Variants in NCAM2 observed in about 807,000 individuals in gnomAD.
NCAM2 encodes neural cell adhesion molecule 2, also known as N-CAM-2.
NCAM2 carries 30 observed loss-of-function variants against 98.1 expected under a neutral mutation model. The observed-to-expected ratio is 0.31, with a 90% confidence interval of 0.23 to 0.41. The LOEUF is 0.41. Among genes scored for constraint, NCAM2 ranks in the 10% least tolerant of loss-of-function variants. The pLI is 1.00. For synonymous variants in NCAM2, 368 were observed against 342.4 expected (o/e 1.07, Z -0.83); for missense variants, 867 against 1,005.8 (o/e 0.86, Z 1.87).
chr21:21,102,165 A>G lies in NCAM2; in HGVS notation c.55+103547A>G, dbSNP rs114974771. Among the ~76,000 whole-genome samples, 363 of 152,194 alleles carry G rather than the reference A, an allele frequency of 2.4e-3. 3 individuals carry two copies. Among genetic ancestry groups the G allele is most frequent in the African/African-American group, 8.4e-3 (350 of 41,558 alleles). On this transcript the variant is annotated intron_variant, in intron 1 of 17. Coordinates refer to ENST00000400546, the MANE Select transcript of NCAM2 (RefSeq NM_004540.5). ...AGAGTAAAATATGCACACTTGTGTT[A>G]AAACATGACTCTTCAGGATTGTAGG...
intron 8 of NCAM2, among the ~76,000 whole-genome samples, chr21:21,339,646 T>C (rs191827137): frequency 1.3e-5 from 2 of 152,068 alleles, no homozygotes; most frequent in Admixed American, 1.3e-4. Context: ...TACACCTCAA[T>C]ATAACTTTGA....
At chr21:21,270,956 T>A (rs1192629250) in intron 1 of NCAM2, among the ~76,000 whole-genome samples, 1 of 152,014 alleles carries the variant, frequency 6.6e-6, no homozygotes, top group African/African-American at 2.4e-5. Context: ...ATTTTTTTTT[T>A]ATTTGAACCT....
chr21:21,326,015 C>T (rs232473), intron 6 of NCAM2, among the ~76,000 whole-genome samples: 131,618 of 152,156 alleles, frequency 0.87, 57,298 homozygotes, highest in African/African-American at 0.96. Flanking sequence ...TCCAGTCATT[C>T]ATTAAGGAAT....
chr21:21,008,190 A>G (rs2146125231), intron 1 of NCAM2, among the ~76,000 whole-genome samples: 1 of 152,066 alleles, frequency 6.6e-6, no homozygotes, highest in African/African-American at 2.4e-5. Flanking sequence ...TTACTTAGAT[A>G]AATCACTTAT....
At chr21:21,266,115 T>C (rs1322061614) in intron 1 of NCAM2, among the ~76,000 whole-genome samples, 1 of 152,130 alleles carries the variant, frequency 6.6e-6, no homozygotes, top group East Asian at 1.9e-4. Flanking sequence ...TTCTACCTGA[T>C]ATTTTAAAAA....
At chr21:21,092,624 A>G (rs2066036183) in intron 1 of NCAM2, among the ~76,000 whole-genome samples, 1 of 151,112 alleles carries the variant, frequency 6.6e-6, no homozygotes, top group East Asian at 2.0e-4. Flanking sequence ...ATTGTTGACA[A>G]AATATTTCTA....
intron 1 of NCAM2, among the ~76,000 whole-genome samples, chr21:21,248,613 A>G (rs924391666): frequency 6.6e-6 from 1 of 151,700 alleles, no homozygotes; most frequent in African/African-American, 2.4e-5. Flanking sequence ...CGTCTTTACT[A>G]AAAATACAAA....
intron 1 of NCAM2, among the ~76,000 whole-genome samples, chr21:21,179,012 A>G (rs975180589): frequency 1.3e-5 from 2 of 152,124 alleles, no homozygotes; most frequent in African/African-American, 4.8e-5. Flanking sequence ...AATGTTGTTC[A>G]GGCCAGAGGG....
At position 21,257,134 on chromosome 21, in the gene NCAM2, G is replaced by T. The variant is rs149095519; in HGVS notation, c.56-23444G>T. On this transcript the variant is annotated intron_variant, in intron 1 of 17. Coordinates refer to ENST00000400546, the MANE Select transcript of NCAM2 (RefSeq NM_004540.5). The stretch of plus-strand genomic sequence containing the variant: ...ATCTTTGTACTATTTCAGTCTTTTT[G>T]ATAAACAAGTCATAAAGAAGAAACC... 2.3e-3 allele frequency among the ~76,000 whole-genome samples: 346 copies of T among 152,252 alleles called. 2 individuals carry two copies. Among genetic ancestry groups the T allele is most frequent in the African/African-American group, 7.9e-3 (330 of 41,542 alleles).
At chr21:21,072,069 C>T (rs908202069) in intron 1 of NCAM2, among the ~76,000 whole-genome samples, 7 of 152,086 alleles carry the variant, frequency 4.6e-5, no homozygotes, top group South Asian at 2.1e-4. Context: ...CCCGCCACCA[C>T]GCCTGGCTAA....
At chr21:21,208,941 C>G (rs1163687901) in intron 1 of NCAM2, among the ~76,000 whole-genome samples, 2 of 152,070 alleles carry the variant, frequency 1.3e-5, no homozygotes, top group African/African-American at 4.8e-5. Context: ...AGATTTGTAT[C>G]CTTAATAGGC....
intron 1 of NCAM2, among the ~76,000 whole-genome samples, chr21:21,212,386 G>A (rs892971439): frequency 6.6e-6 from 1 of 152,176 alleles, no homozygotes; most frequent in South Asian, 2.1e-4. Context: ...TCAATGGTTA[G>A]CAACATCAGA....
chr21:21,146,243 A>G (rs966129068), intron 1 of NCAM2, among the ~76,000 whole-genome samples: 21 of 152,062 alleles, frequency 1.4e-4, no homozygotes, highest in African/African-American at 5.1e-4. Context: ...AAAATACACT[A>G]TTTCCATTGG....
At chr21:21,109,741 A>G (rs1378284477) in intron 1 of NCAM2, among the ~76,000 whole-genome samples, 1 of 152,126 alleles carries the variant, frequency 6.6e-6, no homozygotes, top group African/African-American at 2.4e-5. Flanking sequence ...CTGTTTCTCA[A>G]CTGTTAACTG....
At chr21:21,085,200 G>GT (rs1569006510) in intron 1 of NCAM2, among the ~76,000 whole-genome samples, 72 of 125,218 alleles carry the variant, frequency 5.7e-4, no homozygotes, top group African/African-American at 2.4e-3. Flanking sequence ...GTCTAGTTGG[G>GT]GTTTTTTTTT....
At chr21:21,317,445 G>A (rs574591089) in intron 5 of NCAM2, among the ~76,000 whole-genome samples, 20 of 152,116 alleles carry the variant, frequency 1.3e-4, no homozygotes, top group African/African-American at 3.4e-4. Context: ...CTAAAAATAC[G>A]TTCTGAAATC....
intron 11 of NCAM2, among the ~76,000 whole-genome samples, chr21:21,420,385 C>T (rs1400014381): frequency 6.6e-6 from 1 of 151,656 alleles, no homozygotes; most frequent in African/African-American, 2.4e-5. Context: ...GATAAGGAAT[C>T]CTAAAATACA....
intron 10 of NCAM2, among the ~76,000 whole-genome samples, chr21:21,415,967 A>AT (rs1459987793): frequency 1.3e-5 from 2 of 151,928 alleles, no homozygotes; most frequent in Non-Finnish European, 2.9e-5. Flanking sequence ...AGTACTTTAG[A>AT]TTTTTTTCAG....
At chr21:21,336,171 T>G (rs901071031) in intron 7 of NCAM2, among the ~76,000 whole-genome samples, 1 of 152,130 alleles carries the variant, frequency 6.6e-6, no homozygotes, top group Non-Finnish European at 1.5e-5. Context: ...AAACTAGTAC[T>G]TTACAGAAAT....
Sources: gnomAD v4.1 joint callset for allele counts (sites outside exome capture counted in the v4.1 genomes callset) on GRCh38, gnomAD v4.1.1 for gene constraint, MANE v1.5 for transcripts, NCBI Gene and HGNC (gene_info 2026-07-23, HGNC 2026-07-21) for gene names.